ACOX3: variants seen among roughly 807,000 people sequenced by gnomAD.
ACOX3 encodes the protein acyl-CoA oxidase 3, pristanoyl, also known as peroxisomal acyl-coenzyme A oxidase 3.
A neutral mutation model predicts 81.5 loss-of-function variants in ACOX3; 73 were observed. The ratio of observed to expected loss-of-function variants is 0.90; its 90% CI spans 0.74 to 1.09. The LOEUF (loss-of-function observed/expected upper bound fraction) is 1.09, where lower values mean the gene tolerates loss of function less well. Ranked by LOEUF, ACOX3 falls within the 50% of genes least tolerant of loss-of-function variation. ACOX3 has a pLI of 0.00. For missense variants in ACOX3, 947 were observed against 928.0 expected, an observed-to-expected ratio of 1.02 and a Z score of -0.27; for synonymous variants, 387 against 375.1, an observed-to-expected ratio of 1.03 and a Z score of -0.37.
At position 8,382,342 on chromosome 4, in the gene ACOX3, T is replaced by C. The variant is rs1717771968; in HGVS notation, c.1538-735A>G. Among the ~76,000 whole-genome samples, 1 of 152,166 alleles carries C rather than the reference T, an allele frequency of 6.6e-6. No homozygotes were observed. The highest frequency in any genetic ancestry group is 1.5e-5 in the Non-Finnish European group (1 of 68,016). ...CACAGCCAGAGCTGGCCTCCCACAG[T>C]ACTCCGTATGGACCAGGCATGGTCC... is the stretch of plus-strand genomic sequence containing the variant. On this transcript the variant is annotated intron_variant, in intron 13 of 17. Transcript: ENST00000356406. The surrounding 1 kb of genome is among the most constrained non-coding windows in gnomAD (Gnocchi z 4.1).
the ACOX3 span, chr4:8,356,392 G>A: frequency 2.6e-6 from 1 of 391,480 alleles, no homozygotes; most frequent in Non-Finnish European, 5.2e-6. Flanking sequence ...CACGCACAGT[G>A]ATGCATGTGC....
Position 8,396,957 on chromosome 4 carries a change from CT to C in ACOX3, c.1035del (p.Val346CysfsTer21). On this transcript the variant is annotated frameshift_variant, in exon 9 of 18. Coordinates refer to ENST00000356406, the MANE Select transcript of ACOX3 (RefSeq NM_003501.3). LOFTEE classifies it high-confidence loss of function. ...CATACCTGCATTGGATACTCAAGCA[CT>C]GGTATTTCCTCCTCCTCTGTGGGTC... ...QFGPTEEEEI[P>X]VLEYPMQQWR... The C allele has an allele frequency of 6.2e-7, 1 of 1,612,044 alleles. No individual in the cohort carries two copies. The highest frequency in any genetic ancestry group is 8.5e-7 in the Non-Finnish European group (1 of 1,179,368).
the ACOX3 span, chr4:8,357,345 G>A: frequency 1.2e-5 from 5 of 432,794 alleles, no homozygotes; most frequent in Admixed American, 1.2e-4. Flanking sequence ...TCAGTGCTGG[G>A]TGCAGGAACA....
chr4:8,374,429 C>G (rs1019271020), intron 15 of ACOX3: 3 of 152,628 alleles, frequency 2.0e-5, no homozygotes, highest in Admixed American at 6.5e-5. Context: ...CCCAGAGACA[C>G]AGGACATGAA....
Position 8,423,602 on chromosome 4 carries a change from T to TA in ACOX3, c.-14-7068dup, listed in dbSNP as rs1723175619. 6.6e-6 allele frequency among the ~76,000 whole-genome samples: 1 copy of TA among 152,148 alleles called. No individual in the cohort carries two copies. The highest frequency in any genetic ancestry group is 2.4e-5 in the African/African-American group (1 of 41,432). On this transcript the variant is annotated intron_variant, in intron 1 of 17. Transcript: ENST00000356406. This position sits in a 1 kb window ranked among gnomAD's most constrained non-coding sequence, Gnocchi z 4.2. ...CAGAAACCCAATGGACAGTGGAGGT[T>TA]AGTGCAAGATCTCAGGATTATCAAT... is the stretch of plus-strand genomic sequence containing the variant.
chr4:8,380,008 G>A (rs1206287341), intron 14 of ACOX3, among the ~76,000 whole-genome samples: 2 of 152,048 alleles, frequency 1.3e-5, no homozygotes, highest in African/African-American at 2.4e-5. Flanking sequence ...AAGCTGACAG[G>A]CATCCACTGG....
At chr4:8,422,381 T>C (rs10009196) in intron 1 of ACOX3, among the ~76,000 whole-genome samples, 2,980 of 152,320 alleles carry the variant, frequency 0.02, 109 homozygotes, top group African/African-American at 0.068. Context: ...TACCACTTTG[T>C]TGTCAGTTAA....
At chr4:8,373,348 C>T (rs1464552323) in intron 16 of ACOX3, among the ~76,000 whole-genome samples, 2 of 150,916 alleles carry the variant, frequency 1.3e-5, no homozygotes, top group African/African-American at 4.9e-5. Context: ...GACGCTAAGG[C>T]GGTGTGTGTC....
Position 8,389,215 on chromosome 4 carries a change from T to G in ACOX3, c.1495A>C (p.Lys499Gln), listed in dbSNP as rs781566252. ...TCGGCAACACTGGAGACCTCAAACT[T>G]CTGGTCAAGGATGCCGGGATAGGCG... The part of the protein sequence containing the change: ...LDAYPGILDQ[K>Q]FEVSSVADCL... Residue 499 changes from lysine to glutamine, a missense_variant, in exon 13 of 18, where the codon AAG becomes CAG. Physicochemically the swap from Lys to Gln is moderately conservative, Grantham distance 53. Coordinates refer to ENST00000356406, the MANE Select transcript of ACOX3 (RefSeq NM_003501.3). This position sits in a 1 kb window ranked among gnomAD's most constrained non-coding sequence, Gnocchi z 5.3. The G allele has an allele frequency of 1.2e-6, 2 of 1,613,750 alleles. No individual in the cohort carries two copies. The highest frequency in any genetic ancestry group is 1.3e-5 in the African/African-American group (1 of 74,890).
intron 7 of ACOX3, among the ~76,000 whole-genome samples, chr4:8,402,974 C>A (rs547531432): frequency 6.6e-6 from 1 of 152,310 alleles, no homozygotes; most frequent in South Asian, 2.1e-4. Flanking sequence ...GTTCGGCAGC[C>A]ATCCTCCCAG....
At chr4:8,413,905 G>A (rs1416215999) in intron 5 of ACOX3, among the ~76,000 whole-genome samples, 3 of 152,270 alleles carry the variant, frequency 2.0e-5, no homozygotes, top group African/African-American at 7.2e-5. Flanking sequence ...GCAGAGGGCA[G>A]GGAGCATGTT....
chr4:8,410,822 C>T (rs1168439174), intron 5 of ACOX3, among the ~76,000 whole-genome samples: 11 of 152,152 alleles, frequency 7.2e-5, no homozygotes, highest in Admixed American at 6.5e-4. Context: ...TCCACAGCTC[C>T]GTGATTGACA....
chr4:8,405,883 T>C lies in ACOX3; in HGVS notation c.776+72A>G. On this transcript the variant is annotated intron_variant, in intron 7 of 17. Transcript: ENST00000356406. This position sits in a 1 kb window ranked among gnomAD's most constrained non-coding sequence, Gnocchi z 7.1. ...CATGGCATCCATGGGGCCAGTGAGA[T>C]CTCAGACATGAGCGACAACGCAGCC... The C allele has an allele frequency of 6.9e-7, 1 of 1,450,562 alleles. No homozygotes were observed. The highest frequency in any genetic ancestry group is 9.7e-7 in the Non-Finnish European group (1 of 1,032,152). The allele number at this position is 1,450,562 out of a possible 1,614,324, so 89.9% of individuals were successfully genotyped here. A position where few individuals can be genotyped will look rare whatever the true frequency, so the allele number is the denominator to read the frequency against.
chr4:8,395,089 G>T (rs1719543597), intron 9 of ACOX3, among the ~76,000 whole-genome samples: 1 of 152,190 alleles, frequency 6.6e-6, no homozygotes, highest in South Asian at 2.1e-4. Context: ...CCGGCACACG[G>T]ACTGACTGGC....
At chr4:8,375,690 G>T (rs1328327065) in intron 14 of ACOX3, among the ~76,000 whole-genome samples, 1 of 152,216 alleles carries the variant, frequency 6.6e-6, no homozygotes, top group African/African-American at 2.4e-5. Flanking sequence ...TAAGGCCCCC[G>T]CAGGCTCTGC....
At chr4:8,428,410 C>G (rs1723719518) in intron 1 of ACOX3, 2 of 152,780 alleles carry the variant, frequency 1.3e-5, no homozygotes, top group South Asian at 4.1e-4. Context: ...CTGGGACTAG[C>G]TGCCCGCACA....
At position 8,410,014 on chromosome 4, in the gene ACOX3, G is replaced by A. The variant is rs189067564; in HGVS notation, c.687+198C>T. Among the ~76,000 whole-genome samples, 703 of 150,352 alleles carry A rather than the reference G, an allele frequency of 4.7e-3. 5 individuals carry two copies. The highest frequency in any genetic ancestry group is 0.016 in the African/African-American group (664 of 40,896). On this transcript the variant is annotated intron_variant, in intron 6 of 17. Coordinates refer to ENST00000356406, the MANE Select transcript of ACOX3 (RefSeq NM_003501.3). ...CTATCTGCATTGTGGGCAGGGCTGT[G>A]GAATGCACTGTGGGCGGGGCTGTTT...
At chr4:8,404,930 G>A (rs925552500) in intron 7 of ACOX3, among the ~76,000 whole-genome samples, 11 of 152,200 alleles carry the variant, frequency 7.2e-5, no homozygotes, top group South Asian at 4.2e-4. Context: ...TCAGGCTCTC[G>A]GGGGAGACAG....
intron 17 of ACOX3, among the ~76,000 whole-genome samples, chr4:8,369,522 G>A (rs969430914): frequency 7.9e-5 from 12 of 152,154 alleles, no homozygotes; most frequent in African/African-American, 2.7e-4. Flanking sequence ...CCCCGATGCA[G>A]GACAGCAGGC....
Sources: gnomAD v4.1 joint callset for allele counts (sites outside exome capture counted in the v4.1 genomes callset) on GRCh38, gnomAD v4.1.1 for gene constraint, Gnocchi (gnomAD v3.1) non-coding constraint, MANE v1.5 for transcripts, NCBI Gene and HGNC (gene_info 2026-07-23, HGNC 2026-07-21) for gene names.